DCAF8L2: variants seen among roughly 807,000 people sequenced by gnomAD.
DCAF8L2 encodes DDB1 and CUL4 associated factor 8 like 2.
For synonymous variants in DCAF8L2, 200 were observed against 190.9 expected (o/e 1.05, Z -0.39); for missense variants, 430 against 490.7 (o/e 0.88, Z 1.17).
chrX:27,641,225 T>A (rs1009438081), intron 2 of DCAF8L2, among the ~76,000 whole-genome samples: 3 of 111,279 alleles, frequency 2.7e-5, no homozygotes, highest in Non-Finnish European at 3.8e-5. Flanking sequence ...TAACATTTCC[T>A]TCTACCTAAA....
chrX:27,500,303 A>G, the DCAF8L2 span, among the ~76,000 whole-genome samples: 1 of 112,232 alleles, frequency 8.9e-6, no homozygotes, highest in South Asian at 3.7e-4. Flanking sequence ...GGAAGCATCA[A>G]TATTTAGAAA....
chrX:27,727,563 T>C (rs1280274310), intron 4 of DCAF8L2, among the ~76,000 whole-genome samples: 1 of 111,876 alleles, frequency 8.9e-6, no homozygotes, highest in Non-Finnish European at 1.9e-5. Context: ...ATAATTTTGA[T>C]GCCTACAAAT....
the DCAF8L2 span, among the ~76,000 whole-genome samples, chrX:27,560,211 G>A: frequency 1.3e-4 from 14 of 106,021 alleles, no homozygotes; most frequent in African/African-American, 4.9e-4. Context: ...AGCTTGCAAT[G>A]AGCCAAGATC....
chrX:27,587,975 T>TAAAAAAAAAA (rs531576238), upstream of DCAF8L2, among the ~76,000 whole-genome samples: 10 of 25,501 alleles, frequency 3.9e-4, no homozygotes, highest in African/African-American at 1.1e-3. Context: ...GTACTTCCAT[T>TAAAAAAAAAA]AAAAAAAAAA....
chrX:27,715,292 G>C (rs776852942), intron 3 of DCAF8L2, among the ~76,000 whole-genome samples: 2 of 107,569 alleles, frequency 1.9e-5, no homozygotes, highest in African/African-American at 6.8e-5. Flanking sequence ...GCGTGAACCC[G>C]GGAGGCGGAG....
chrX:27,723,841 A>G (rs1931982760), intron 4 of DCAF8L2, among the ~76,000 whole-genome samples: 1 of 111,241 alleles, frequency 9.0e-6, no homozygotes, highest in South Asian at 3.7e-4. Flanking sequence ...TTATGAAATA[A>G]CTGGAGCTAT....
At chrX:27,529,037 A>G in the DCAF8L2 span, among the ~76,000 whole-genome samples, 1 of 111,872 alleles carries the variant, frequency 8.9e-6, no homozygotes, top group South Asian at 3.7e-4. Context: ...GGGCTAGGGA[A>G]TTATAGGCCT....
chrX:27,497,749 A>G, the DCAF8L2 span, among the ~76,000 whole-genome samples: 5 of 110,810 alleles, frequency 4.5e-5, no homozygotes, highest in East Asian at 1.1e-3. Context: ...TTCTATTTTT[A>G]GTAGAGACGG....
At chrX:27,650,393 G>T (rs1166936797) in intron 2 of DCAF8L2, among the ~76,000 whole-genome samples, 1 of 111,772 alleles carries the variant, frequency 8.9e-6, no homozygotes, top group African/African-American at 3.2e-5. Flanking sequence ...TGAGCCTTAT[G>T]GCCATTTAAA....
At chrX:27,718,773 C>T (rs980069189) in intron 4 of DCAF8L2, among the ~76,000 whole-genome samples, 1 of 111,613 alleles carries the variant, frequency 9.0e-6, no homozygotes, top group African/African-American at 3.3e-5. Flanking sequence ...CTCAAGCCTG[C>T]TGGCTTTCCA....
the DCAF8L2 span, among the ~76,000 whole-genome samples, chrX:27,514,672 AAAAAAAAAAAAAAAAAAAAAAAAC>A: frequency 1.5e-5 from 1 of 64,636 alleles, no homozygotes; most frequent in Non-Finnish European, 2.6e-5. Flanking sequence ...CCGTCTCAAA[AAAAAAAAAAAAAAAAAAAAAAAAC>A]AAAAAAAAAA....
the DCAF8L2 span, among the ~76,000 whole-genome samples, chrX:27,568,196 A>G: frequency 1.5e-4 from 17 of 111,736 alleles, no homozygotes; most frequent in African/African-American, 5.5e-4. Context: ...CACCCATTAT[A>G]ACCTAAAATT....
intron 4 of DCAF8L2, among the ~76,000 whole-genome samples, chrX:27,735,381 C>T (rs1027915447): frequency 1.8e-5 from 2 of 111,910 alleles, no homozygotes; most frequent in Non-Finnish European, 3.8e-5. Flanking sequence ...TCCTTTCTGT[C>T]TGTTGGGGCT....
chrX:27,512,779 CAAAAAAA>C, the DCAF8L2 span, among the ~76,000 whole-genome samples: 3 of 18,549 alleles, frequency 1.6e-4, no homozygotes, highest in Admixed American at 1.3e-3. Context: ...CAATCTTGAG[CAAAAAAA>C]AAAAAAAAAA....
At chrX:27,702,884 C>A (rs1302868452) in intron 3 of DCAF8L2, among the ~76,000 whole-genome samples, 1 of 111,093 alleles carries the variant, frequency 9.0e-6, no homozygotes, top group African/African-American at 3.3e-5. Flanking sequence ...AAAAATATTT[C>A]ATATTAAAAA....
chrX:27,718,292 C>A, intron 4 of DCAF8L2, among the ~76,000 whole-genome samples: 1 of 111,992 alleles, frequency 8.9e-6, no homozygotes. Context: ...TTTCATGTTT[C>A]ATTTTCTAAC....
rs1926537688 is a variant in DCAF8L2, at chrX:27,599,522, G to T, written c.-342+9082G>T. ...TGTTAAGAGGGTAGATCTCCTGTTAGGTATTTTTACATCATGAAAAAAATT... is the reference window on the plus strand; with the variant it reads ...TGTTAAGAGGGTAGATCTCCTGTTATGTATTTTTACATCATGAAAAAAATT... On this transcript the variant is annotated intron_variant, in intron 1 of 4. Transcript: ENST00000451261. Among the ~76,000 whole-genome samples, 3 of 109,030 alleles carry T rather than the reference G, an allele frequency of 2.8e-5. No individual in the cohort carries two copies. In the South Asian group the frequency reaches 1.1e-3, roughly 42 times the overall value. The allele number at this position is 109,030 out of a possible 115,157, so 94.7% of individuals were successfully genotyped here.
chrX:27,743,981 C>T (rs1437584454), intron 4 of DCAF8L2, among the ~76,000 whole-genome samples: 6 of 110,807 alleles, frequency 5.4e-5, no homozygotes, highest in African/African-American at 2.0e-4. Context: ...GATATGCCCA[C>T]CTCAGCCTCC....
the DCAF8L2 span, among the ~76,000 whole-genome samples, chrX:27,572,706 A>G: frequency 8.9e-6 from 1 of 111,827 alleles, no homozygotes; most frequent in African/African-American, 3.2e-5. Context: ...CATATGGGTC[A>G]GTGAATACTG....
Sources: gnomAD v4.1 joint callset for allele counts (sites outside exome capture counted in the v4.1 genomes callset) on GRCh38, gnomAD v4.1.1 for gene constraint, MANE v1.5 for transcripts, NCBI Gene and HGNC (gene_info 2026-07-23, HGNC 2026-07-21) for gene names.